Variants in CDKAL1 observed in about 807,000 individuals in gnomAD.
The protein encoded by CDKAL1 is threonylcarbamoyladenosine tRNA methylthiotransferase.
CDKAL1 carries 32 observed loss-of-function variants against 68.2 expected under a neutral mutation model. That is an observed-to-expected ratio of 0.47 (90% CI 0.35 to 0.63). CDKAL1 has a LOEUF of 0.63. Among genes scored for constraint, CDKAL1 ranks in the 30% least tolerant of loss-of-function variants. CDKAL1 has a pLI of 0.00. For synonymous variants in CDKAL1, 234 were observed against 244.3 expected, an observed-to-expected ratio of 0.96 and a Z score of 0.39; for missense variants, 606 against 696.7, an observed-to-expected ratio of 0.87 and a Z score of 1.47.
chr6:20,941,874 G>C (rs925817832), intron 9 of CDKAL1, among the ~76,000 whole-genome samples: 2 of 152,164 alleles, frequency 1.3e-5, no homozygotes, highest in East Asian at 1.9e-4. Context: ...AATTATTGGC[G>C]ATAAGGAATT....
chr6:21,168,243 T>TCCC (rs1289726597), intron 13 of CDKAL1, among the ~76,000 whole-genome samples: 1 of 152,132 alleles, frequency 6.6e-6, no homozygotes, highest in African/African-American at 2.4e-5. Flanking sequence ...AGCCTTCTGC[T>TCCC]CCTCCTCCTC....
intron 8 of CDKAL1, among the ~76,000 whole-genome samples, chr6:20,819,072 A>C (rs143705283): frequency 3.3e-4 from 51 of 152,312 alleles, no homozygotes; most frequent in African/African-American, 1.2e-3. Context: ...ATCTGGTTGT[A>C]AAGAACAACT....
intron 9 of CDKAL1, among the ~76,000 whole-genome samples, chr6:20,942,817 T>C (rs1371169547): frequency 6.6e-6 from 1 of 150,380 alleles, no homozygotes; most frequent in East Asian, 2.0e-4. Context: ...TAGCCAGGCA[T>C]GGTGGCGTGT....
chr6:21,008,662 T>C (rs1767856323), intron 11 of CDKAL1, among the ~76,000 whole-genome samples: 1 of 152,216 alleles, frequency 6.6e-6, no homozygotes, highest in African/African-American at 2.4e-5. Context: ...ATGGTCCTTT[T>C]TTGACTGCAG....
At chr6:20,782,243 G>C (rs1003407436) in intron 8 of CDKAL1, among the ~76,000 whole-genome samples, 2 of 152,076 alleles carry the variant, frequency 1.3e-5, no homozygotes, top group Non-Finnish European at 2.9e-5. Flanking sequence ...AAAGTCATTC[G>C]GTTTTTCCCA....
At position 21,150,739 on chromosome 6, in the gene CDKAL1, G is replaced by A. The variant is rs541797264; in HGVS notation, c.1299+42276G>A. Among the ~76,000 whole-genome samples the A allele has an allele frequency of 3.9e-5, 6 of 152,282 alleles. No individual in the cohort carries two copies. The South Asian group carries it at 1.2e-3, about 32-fold the overall frequency. On this transcript the variant is annotated intron_variant, in intron 13 of 15. Transcript: ENST00000274695. ...GTTCAGGTTTTGTCCTGTCAACTTC[G>A]TCCTGACAGGCTTTCTATATTCCAT...
chr6:20,977,358 A>G (rs983815489), intron 10 of CDKAL1, among the ~76,000 whole-genome samples: 4 of 152,218 alleles, frequency 2.6e-5, no homozygotes, highest in Non-Finnish European at 5.9e-5. Flanking sequence ...AGTTAAATTG[A>G]TAATAAAAGG....
intron 12 of CDKAL1, among the ~76,000 whole-genome samples, chr6:21,068,524 A>G (rs984687218): frequency 2.0e-5 from 3 of 152,054 alleles, no homozygotes; most frequent in South Asian, 2.1e-4. Flanking sequence ...GGTCACCTTT[A>G]TTATAAATCA....
intron 2 of CDKAL1, among the ~76,000 whole-genome samples, chr6:20,537,261 G>A (rs1374993355): frequency 6.6e-6 from 1 of 152,154 alleles, no homozygotes; most frequent in Non-Finnish European, 1.5e-5. Flanking sequence ...ACATACTTCA[G>A]TTCTACTCTT....
intron 4 of CDKAL1, among the ~76,000 whole-genome samples, chr6:20,608,539 C>G (rs903293872): frequency 5.9e-5 from 9 of 152,152 alleles, no homozygotes; most frequent in Non-Finnish European, 1.3e-4. Context: ...TATTCAGTAC[C>G]ATACCTTCCT....
chr6:20,550,089 C>T (rs1204141139), intron 4 of CDKAL1, among the ~76,000 whole-genome samples: 1 of 152,018 alleles, frequency 6.6e-6, no homozygotes, highest in Non-Finnish European at 1.5e-5. Context: ...AGGGATTCTC[C>T]TGCCTCAGCC....
intron 15 of CDKAL1, among the ~76,000 whole-genome samples, chr6:21,229,835 C>T (rs1409301186): frequency 6.6e-6 from 1 of 152,154 alleles, no homozygotes; most frequent in African/African-American, 2.4e-5. Context: ...GAAACTAGAG[C>T]CACCCTGACA....
chr6:20,758,448 TA>T (rs1472272219), intron 6 of CDKAL1, 146 bp from the exon 7 acceptor site: 7 of 590,688 alleles, frequency 1.2e-5, no homozygotes, highest in African/African-American at 7.5e-5. Context: ...TAATATAGGA[TA>T]TTTTTTATAG....
chr6:20,603,474 T>C (rs1766193875), intron 4 of CDKAL1, among the ~76,000 whole-genome samples: 1 of 152,216 alleles, frequency 6.6e-6, no homozygotes, highest in Non-Finnish European at 1.5e-5. Context: ...GTTCCATTGC[T>C]TCCACTCCTT....
At chr6:20,719,705 A>T (rs963189830) in intron 5 of CDKAL1, among the ~76,000 whole-genome samples, 2 of 152,212 alleles carry the variant, frequency 1.3e-5, no homozygotes, top group African/African-American at 4.8e-5. Flanking sequence ...CGAATTAAGT[A>T]AGATACCCTG....
At chr6:20,631,961 G>A (rs1767693160) in intron 4 of CDKAL1, among the ~76,000 whole-genome samples, 14 of 151,948 alleles carry the variant, frequency 9.2e-5, no homozygotes, top group Admixed American at 9.2e-4. Context: ...TTTTTCTTTT[G>A]CATGTCTATA....
rs564696916 is a variant in CDKAL1 at position 21,150,568 on chromosome 6, G to A, written c.1299+42105G>A. ...CTCCATAAAACTTGCTTTAAACTTG[G>A]CTTTTAGTGTGTGTCAGTTAGCCAA... On this transcript the variant is annotated intron_variant, in intron 13 of 15. Coordinates refer to ENST00000274695, the MANE Select transcript of CDKAL1 (RefSeq NM_017774.3). Among the ~76,000 whole-genome samples, 3 of 152,264 alleles carry A rather than the reference G, an allele frequency of 2.0e-5. No individual in the cohort carries two copies. In the East Asian group the frequency reaches 5.8e-4, roughly 29 times the overall value.
At chr6:21,047,912 G>A (rs1770330773) in intron 11 of CDKAL1, among the ~76,000 whole-genome samples, 2 of 152,162 alleles carry the variant, frequency 1.3e-5, no homozygotes, top group African/African-American at 2.4e-5. Context: ...TTGGATAGGG[G>A]ATTGTACAAT....
chr6:20,871,058 C>T (rs1421414225), intron 9 of CDKAL1, among the ~76,000 whole-genome samples: 1 of 152,150 alleles, frequency 6.6e-6, no homozygotes, highest in Non-Finnish European at 1.5e-5. Context: ...CCACACAATT[C>T]CAAGGTACTT....
Sources: allele counts gnomAD v4.1 joint callset (sites outside exome capture counted in the v4.1 genomes callset), GRCh38; gene constraint gnomAD v4.1.1; transcripts MANE v1.5; gene names NCBI Gene and HGNC (gene_info 2026-07-23, HGNC 2026-07-21).